Variants in MPRIP observed in about 807,000 individuals in gnomAD.
MPRIP encodes the protein myosin phosphatase Rho-interacting protein.
A neutral mutation model predicts 234.9 loss-of-function variants in MPRIP; 59 were observed. The ratio of observed to expected loss-of-function variants is 0.25; its 90% CI spans 0.20 to 0.31. The LOEUF (loss-of-function observed/expected upper bound fraction) is 0.31. Among genes scored for constraint, MPRIP ranks in the 10% least tolerant of loss-of-function variants. The pLI, the probability that MPRIP is intolerant of heterozygous loss-of-function variation, is 1.00. For synonymous variants in MPRIP, 1,144 were observed against 1,263.9 expected (o/e 0.91, Z 2.01); for missense variants, 2,436 against 3,071.0 (o/e 0.79, Z 4.89).
chr17:17,078,109 A>G lies in MPRIP; in HGVS notation c.267+33A>G, dbSNP rs1467146352. The G allele has an allele frequency of 6.2e-7, 1 of 1,610,748 alleles. No homozygotes were observed. Among genetic ancestry groups the G allele is most frequent in the South Asian group, 1.1e-5 (1 of 91,002 alleles). On this transcript the variant is annotated intron_variant, in intron 3 of 23. Coordinates refer to ENST00000651222, the MANE Select transcript of MPRIP (RefSeq NM_001364716.4). This position sits in a 1 kb window ranked among gnomAD's most constrained non-coding sequence, Gnocchi z 4.3. ...TTATCCTTGCCCACTCCCTGTCCCC[A>G]GCCTTCACCAAGTCCCTCCATTACA... is the stretch of plus-strand genomic sequence containing the variant.
At chr17:17,100,735 T>G (rs971747438) in intron 3 of MPRIP, among the ~76,000 whole-genome samples, 2 of 151,982 alleles carry the variant, frequency 1.3e-5, no homozygotes, top group Non-Finnish European at 2.9e-5. Flanking sequence ...GAAAACAAGC[T>G]CAGGGCTCCC....
At position 17,165,141 on chromosome 17, in the gene MPRIP, A is replaced by G. The variant is rs1369445263; in HGVS notation, c.3550A>G (p.Lys1184Glu). Residue 1184 changes from lysine to glutamate, a missense_variant, in exon 16 of 24, where the codon AAG (lysine) becomes GAG (glutamate). Physicochemically the swap from Lys to Glu is moderately conservative, Grantham distance 56. Around this residue, in one of 4 missense-constraint regions of MPRIP, gnomAD observed 1,998 missense variants for 2,520.3 expected, o/e 0.79. Transcript: ENST00000651222. ...AGCACATGAGAAGGTTCTGGAGAAG[A>G]AGGAGCAGGACCTCAATGAGGCTTT... The part of the protein sequence containing the change: ...KEAHEKVLEK[K>E]EQDLNEALVK... 7.7e-7 allele frequency: 1 copy of G among 1,304,238 alleles called. No individual in the cohort carries two copies. Among genetic ancestry groups the G allele is most frequent in the Non-Finnish European group, 1.0e-6 (1 of 988,966 alleles). 80.8% of individuals were successfully genotyped at this position (1,304,238 alleles called of 1,614,324 possible). A position where few individuals can be genotyped will look rare whatever the true frequency, so the allele number is the denominator to read the frequency against.
rs1356819382 is a variant in MPRIP at position 17,171,765 on chromosome 17, G to A, written c.6372G>A (p.Lys2124=). The A allele has an allele frequency of 3.7e-6, 6 of 1,613,776 alleles. No homozygotes were observed. Among genetic ancestry groups the A allele is most frequent in the Non-Finnish European group, 5.1e-6 (6 of 1,180,048 alleles). ...CAGCAATGGAAGAAACGCACCAGAA[G>A]AAGATTGAAGATCTCCAGAGGCAGC... ...GFAAMEETHQ[K]KIEDLQRQHQ... Residue 2124 remains lysine, a synonymous_variant, in exon 17 of 24, where the codon AAG becomes AAA. Coordinates refer to ENST00000651222, the MANE Select transcript of MPRIP (RefSeq NM_001364716.4).
chr17:17,117,270 G>A (rs2090304270), intron 3 of MPRIP, among the ~76,000 whole-genome samples: 6 of 152,216 alleles, frequency 3.9e-5, no homozygotes, highest in South Asian at 4.1e-4. Context: ...CTCGAGTCCC[G>A]CTTCAGCTGT....
At chr17:17,101,255 A>G (rs2089953714) in intron 3 of MPRIP, among the ~76,000 whole-genome samples, 1 of 152,172 alleles carries the variant, frequency 6.6e-6, no homozygotes. Flanking sequence ...CATTTCAGTA[A>G]TGTTATATCC....
chr17:17,098,259 A>C lies in MPRIP; in HGVS notation c.267+20183A>C, dbSNP rs115882214. ...CTTTCCCCAGAACCTGCGCCTGCCC[A>C]CTCCACCTCCAAGGCCCCTCACTCT... On this transcript the variant is annotated intron_variant, in intron 3 of 23. Coordinates refer to ENST00000651222, the MANE Select transcript of MPRIP (RefSeq NM_001364716.4). Among the ~76,000 whole-genome samples, 905 of 151,860 alleles carry C rather than the reference A, an allele frequency of 6.0e-3. 9 individuals are homozygous for C. Among genetic ancestry groups the C allele is most frequent in the African/African-American group, 0.021 (864 of 41,396 alleles).
At chr17:17,079,263 G>A (rs767556494) in intron 3 of MPRIP, among the ~76,000 whole-genome samples, 15 of 152,172 alleles carry the variant, frequency 9.9e-5, no homozygotes, top group African/African-American at 3.4e-4. Flanking sequence ...TACTTAAAAA[G>A]AATTGTCTTC....
chr17:17,160,219 A>T (rs2045833026), intron 14 of MPRIP, among the ~76,000 whole-genome samples: 1 of 152,204 alleles, frequency 6.6e-6, no homozygotes, highest in Admixed American at 6.5e-5. Flanking sequence ...TACAAAAATT[A>T]GCTGGGCATG....
At chr17:17,132,767 A>G (rs1236061838) in intron 5 of MPRIP, among the ~76,000 whole-genome samples, 1 of 152,240 alleles carries the variant, frequency 6.6e-6, no homozygotes, top group Non-Finnish European at 1.5e-5. Flanking sequence ...GGTGGGGGAC[A>G]CCCAAGCCAA....
rs1381866969 is a variant in MPRIP at position 17,164,947 on chromosome 17, A to G, written c.3356A>G (p.Glu1119Gly). 4 of 1,303,692 alleles carry G rather than the reference A, an allele frequency of 3.1e-6. No individual in the cohort carries two copies. The African/African-American group carries it at 6.1e-5, about 20-fold the overall frequency. 80.8% of individuals were successfully genotyped at this position (1,303,692 alleles called of 1,614,324 possible). The change falls in exon 16 of 24, where the codon GAG becomes GGG. Residue 1119 changes from glutamate to glycine, a missense_variant. Coordinates refer to ENST00000651222, the MANE Select transcript of MPRIP (RefSeq NM_001364716.4). ...AGACAGCGGTTCCAGGAGCTGACAG[A>G]GCGCGTGGCCACGTCCGACGAGGAT... ...LLRQRFQELT[E>G]RVATSDEDVA... is the part of the protein sequence containing the mutation.
intron 3 of MPRIP, among the ~76,000 whole-genome samples, chr17:17,079,757 C>A (rs866849029): frequency 6.6e-6 from 1 of 152,230 alleles, no homozygotes; most frequent in African/African-American, 2.4e-5. Context: ...TAACTAAAGT[C>A]CAGCAAAATC....
rs977657744 is a variant in MPRIP, at chr17:17,186,453, G to T, written c.*1559G>T. 1 of 152,162 alleles carries T rather than the reference G, an allele frequency of 6.6e-6. No homozygotes were observed. The highest frequency in any genetic ancestry group is 1.5e-5 in the Non-Finnish European group (1 of 68,038). The allele number at this position is 152,162 out of a possible 1,614,324, so 9.4% of individuals were successfully genotyped here. A position where few individuals can be genotyped will look rare whatever the true frequency, so the allele number is the denominator to read the frequency against. ...TGAAATAACTAAGTGCTCTCCACTGGCATCGAGCCCTTTCCACAAGTTTTT... is the reference window on the plus strand; with the variant it reads ...TGAAATAACTAAGTGCTCTCCACTGTCATCGAGCCCTTTCCACAAGTTTTT... On this transcript the variant is annotated 3_prime_UTR_variant, in exon 24 of 24. Transcript: ENST00000651222.
chr17:17,132,429 T>G (rs2090615364), intron 5 of MPRIP, among the ~76,000 whole-genome samples: 1 of 152,242 alleles, frequency 6.6e-6, no homozygotes, highest in South Asian at 2.1e-4. Context: ...TTATAGGTTC[T>G]CAGTAAATGT....
intron 1 of MPRIP, among the ~76,000 whole-genome samples, chr17:17,062,071 C>T (rs9900759): frequency 0.015 from 2,320 of 152,140 alleles, 21 homozygotes; most frequent in African/African-American, 0.02. Flanking sequence ...TTGCCCTGGG[C>T]CACACATCGA....
intron 3 of MPRIP, among the ~76,000 whole-genome samples, chr17:17,105,039 C>T (rs922072888): frequency 1.2e-4 from 18 of 152,302 alleles, no homozygotes; most frequent in African/African-American, 4.1e-4. Context: ...GCTGCTTTCT[C>T]CTGTCTTCCC....
chr17:17,170,026 C>G (rs2046096254), intron 16 of MPRIP: 1 of 151,078 alleles, frequency 6.6e-6, no homozygotes, highest in African/African-American at 2.4e-5. Flanking sequence ...AGACTTTTCC[C>G]AGCAAGTAGA....
chr17:17,161,320 C>G lies in MPRIP; in HGVS notation c.2481C>G (p.Gly827=). The G allele has an allele frequency of 6.3e-7, 1 of 1,590,872 alleles. No individual in the cohort carries two copies. The highest frequency in any genetic ancestry group is 8.6e-7 in the Non-Finnish European group (1 of 1,166,396). The stretch of plus-strand genomic sequence containing the variant: ...AGGACCAGCTGAGGGTGGCCCTGGG[C>G]CGGGAGCAGAGCGCCCGTGAGGGCT... ...LLQDQLRVAL[G]REQSAREGYV... The change falls in exon 15 of 24, where the codon GGC becomes GGG. Residue 827 remains glycine, a synonymous_variant. Coordinates refer to ENST00000651222, the MANE Select transcript of MPRIP (RefSeq NM_001364716.4).
At chr17:17,137,580 C>T (rs1208069409) in intron 6 of MPRIP, among the ~76,000 whole-genome samples, 2 of 151,148 alleles carry the variant, frequency 1.3e-5, no homozygotes, top group Non-Finnish European at 2.9e-5. Flanking sequence ...TGGTGAGAAG[C>T]GGTTGGTGGT....
chr17:17,143,174 G>C (rs145433683), intron 8 of MPRIP, among the ~76,000 whole-genome samples: 1 of 152,180 alleles, frequency 6.6e-6, no homozygotes, highest in Non-Finnish European at 1.5e-5. Flanking sequence ...AGCCGGCCAA[G>C]TCTAAGCTCA....
Sources: allele counts gnomAD v4.1 joint callset (sites outside exome capture counted in the v4.1 genomes callset), GRCh38; gene constraint gnomAD v4.1.1; regional missense constraint gnomAD v4.1.1; non-coding constraint Gnocchi (gnomAD v3.1); transcripts MANE v1.5; gene names NCBI Gene and HGNC (gene_info 2026-07-23, HGNC 2026-07-21).